TBC1D22A: variants seen among roughly 807,000 people sequenced by gnomAD.
TBC1D22A encodes putative GTPase activator.
A neutral mutation model predicts 60.2 loss-of-function variants in TBC1D22A; 38 were observed. That is an observed-to-expected ratio of 0.63 (90% CI 0.49 to 0.83). The LOEUF is 0.83. Among genes scored for constraint, TBC1D22A ranks in the 40% least tolerant of loss-of-function variants. The pLI is 0.00. For synonymous variants in TBC1D22A, 302 were observed against 281.7 expected (o/e 1.07, Z -0.72); for missense variants, 628 against 701.0 (o/e 0.90, Z 1.18).
In TBC1D22A at chr22:47,169,967, G is replaced by A. The variant is rs6008056; in HGVS notation, c.1426-3531G>A. Among the ~76,000 whole-genome samples the A allele has an allele frequency of 5.4e-3, 820 of 152,358 alleles. 12 individuals carry two copies. The highest frequency in any genetic ancestry group is 0.019 in the African/African-American group (787 of 41,576). ...TGTCCCTGAATGTGACCGAGGGATGGCTTCGCCCGTGGTGGCCCCTCTGCC... is the reference window on the plus strand; with the variant it reads ...TGTCCCTGAATGTGACCGAGGGATGACTTCGCCCGTGGTGGCCCCTCTGCC... On this transcript the variant is annotated intron_variant, in intron 12 of 12. Coordinates refer to ENST00000337137, the MANE Select transcript of TBC1D22A (RefSeq NM_014346.5).
intron 4 of TBC1D22A, among the ~76,000 whole-genome samples, chr22:46,861,279 TAAC>T (rs2087869490): frequency 6.6e-6 from 1 of 152,194 alleles, no homozygotes; most frequent in Non-Finnish European, 1.5e-5. Flanking sequence ...TAAAATGACT[TAAC>T]AGTTAATTGT....
At chr22:47,099,758 C>G (rs2065335587) in intron 11 of TBC1D22A, among the ~76,000 whole-genome samples, 2 of 152,192 alleles carry the variant, frequency 1.3e-5, no homozygotes, top group South Asian at 4.1e-4. Flanking sequence ...TCCCTGCTTT[C>G]TAAAGTTAGA....
At chr22:46,984,861 T>C (rs955094599) in intron 9 of TBC1D22A, among the ~76,000 whole-genome samples, 7 of 152,204 alleles carry the variant, frequency 4.6e-5, no homozygotes, top group African/African-American at 1.7e-4. Context: ...GAGCAGGTAT[T>C]GCCCTTCAGG....
chr22:47,082,816 G>T (rs1035419378), intron 11 of TBC1D22A, among the ~76,000 whole-genome samples: 1 of 152,154 alleles, frequency 6.6e-6, no homozygotes, highest in African/African-American at 2.4e-5. Context: ...TGGAAAACTG[G>T]CACTTTCTTA....
chr22:46,945,649 C>T (rs908348020), intron 8 of TBC1D22A, among the ~76,000 whole-genome samples: 3 of 152,160 alleles, frequency 2.0e-5, no homozygotes, highest in Non-Finnish European at 2.9e-5. Context: ...CATTTGTCTC[C>T]CAGCCTCCGA....
At chr22:46,835,829 C>T (rs2086492091) in intron 4 of TBC1D22A, among the ~76,000 whole-genome samples, 1 of 152,064 alleles carries the variant, frequency 6.6e-6, no homozygotes, top group Admixed American at 6.5e-5. Context: ...ATTTGGAAAG[C>T]AGCAACAGAA....
intron 4 of TBC1D22A, among the ~76,000 whole-genome samples, chr22:46,850,653 T>C (rs1361894129): frequency 6.6e-6 from 1 of 152,198 alleles, no homozygotes; most frequent in Admixed American, 6.5e-5. Context: ...AGCTGCCATG[T>C]GAAGAGCTGC....
At position 46,882,828 on chromosome 22, in the gene TBC1D22A, T is replaced by A. The variant is rs115451373; in HGVS notation, c.708+4105T>A. On this transcript the variant is annotated intron_variant, in intron 5 of 12. Transcript: ENST00000337137. ...GCTTGAATGGGAACCTATTTCAGGG[T>A]CTGGCAAACATCATGACTCTTTTTC... Among the ~76,000 whole-genome samples, 1,248 of 152,306 alleles carry A rather than the reference T, an allele frequency of 8.2e-3. 21 individuals are homozygous for A. Among genetic ancestry groups the A allele is most frequent in the African/African-American group, 0.028 (1,174 of 41,552 alleles).
chr22:47,093,937 G>A (rs922525494), intron 11 of TBC1D22A, among the ~76,000 whole-genome samples: 1 of 152,216 alleles, frequency 6.6e-6, no homozygotes, highest in African/African-American at 2.4e-5. Flanking sequence ...TTAATTGGGT[G>A]CTGCAGCCCA....
chr22:47,143,344 T>C (rs2067175727), intron 12 of TBC1D22A, among the ~76,000 whole-genome samples: 1 of 152,222 alleles, frequency 6.6e-6, no homozygotes, highest in Non-Finnish European at 1.5e-5. Context: ...GCAGTGACCC[T>C]TTAACATTCC....
At position 47,128,935 on chromosome 22, in the gene TBC1D22A, G is replaced by A. The variant is rs114382748; in HGVS notation, c.1425+17332G>A. Among the ~76,000 whole-genome samples the A allele has an allele frequency of 1.6e-3, 239 of 152,362 alleles. 3 individuals carry two copies. The South Asian group carries it at 0.021, about 13-fold the overall frequency. On this transcript the variant is annotated intron_variant, in intron 12 of 12. Transcript: ENST00000337137. ...GACCGTCAGCAGAGTGAAGAGAAGCGTTACTTTATTTACAGTGTGTGCGTG... is the reference window on the plus strand; with the variant it reads ...GACCGTCAGCAGAGTGAAGAGAAGCATTACTTTATTTACAGTGTGTGCGTG...
In TBC1D22A at chr22:47,172,207, G is replaced by A. The variant is rs118010197; in HGVS notation, c.1426-1291G>A. On this transcript the variant is annotated intron_variant, in intron 12 of 12. Transcript: ENST00000337137. ...CCTTGTGTGTCCACCCAGTGTGCCC[G>A]CTCAGTGAGCCTGGTGTGTCTACCT... 2.8e-4 allele frequency among the ~76,000 whole-genome samples: 42 copies of A among 152,114 alleles called. No individual in the cohort carries two copies. In the East Asian group the frequency reaches 5.0e-3, roughly 18 times the overall value.
At chr22:46,797,146 G>A (rs948538850) in intron 3 of TBC1D22A, among the ~76,000 whole-genome samples, 1 of 152,220 alleles carries the variant, frequency 6.6e-6, no homozygotes, top group Non-Finnish European at 1.5e-5. Flanking sequence ...GCCACCCCAG[G>A]CACTGGTGGG....
At chr22:46,963,154 G>A (rs1324268131) in intron 8 of TBC1D22A, among the ~76,000 whole-genome samples, 1 of 151,306 alleles carries the variant, frequency 6.6e-6, no homozygotes, top group East Asian at 1.9e-4. Flanking sequence ...TTGGGAGGTG[G>A]AGCTTGCAGT....
chr22:46,933,851 A>G (rs950328307), intron 8 of TBC1D22A, among the ~76,000 whole-genome samples: 4 of 152,226 alleles, frequency 2.6e-5, no homozygotes, highest in African/African-American at 9.6e-5. Context: ...TGGGAAACAC[A>G]GCTTTAGTGT....
chr22:47,018,815 G>T (rs920142904), intron 10 of TBC1D22A, among the ~76,000 whole-genome samples: 1 of 152,166 alleles, frequency 6.6e-6, no homozygotes, highest in African/African-American at 2.4e-5. Context: ...TGGGTGGGAC[G>T]AGTGGAAACA....
intron 12 of TBC1D22A, among the ~76,000 whole-genome samples, chr22:47,124,701 G>A (rs1243414716): frequency 1.3e-5 from 2 of 152,134 alleles, no homozygotes; most frequent in Non-Finnish European, 2.9e-5. Flanking sequence ...GCCGCAGGGC[G>A]AGGGGGACAG....
At chr22:46,917,144 G>A (rs762314610) in intron 8 of TBC1D22A, among the ~76,000 whole-genome samples, 1 of 152,192 alleles carries the variant, frequency 6.6e-6, no homozygotes, top group Non-Finnish European at 1.5e-5. Context: ...ACAGGCGGAA[G>A]ACACACTTTT....
At chr22:47,142,891 A>G (rs1260979332) in intron 12 of TBC1D22A, among the ~76,000 whole-genome samples, 1 of 105,230 alleles carries the variant, frequency 9.5e-6, no homozygotes, top group Non-Finnish European at 1.9e-5. Flanking sequence ...CACCCACCCG[A>G]CCACCCACCA....
Sources: allele counts gnomAD v4.1 joint callset (sites outside exome capture counted in the v4.1 genomes callset), GRCh38; gene constraint gnomAD v4.1.1; transcripts MANE v1.5; gene names NCBI Gene and HGNC (gene_info 2026-07-23, HGNC 2026-07-21).